LRRC69: variants seen among roughly 807,000 people sequenced by gnomAD.
LRRC69 encodes the protein leucine rich repeat containing 69.
Under a neutral mutation model 37.8 loss-of-function variants are expected in LRRC69, and 42 were observed. The observed-to-expected ratio is 1.11, with a 90% CI of 0.87 to 1.44. The LOEUF (loss-of-function observed/expected upper bound fraction) is 1.44, where lower values mean the gene tolerates loss of function less well. Ranked by LOEUF, LRRC69 falls within the 40% of genes most tolerant of loss-of-function variation. The pLI is 0.00. For missense variants in LRRC69, 357 were observed against 401.9 expected, an observed-to-expected ratio of 0.89 and a Z score of 0.96; for synonymous variants, 141 against 143.1, an observed-to-expected ratio of 0.99 and a Z score of 0.11.
At chr8:91,134,108 C>G (rs1305409588) in intron 4 of LRRC69, among the ~76,000 whole-genome samples, 1 of 151,076 alleles carries the variant, frequency 6.6e-6, no homozygotes, top group Non-Finnish European at 1.5e-5. Context: ...CAGTGAACTT[C>G]TTTGTCCTCT....
chr8:91,108,895 CAG>C (rs1192087520), intron 1 of LRRC69, among the ~76,000 whole-genome samples: 1 of 151,838 alleles, frequency 6.6e-6, no homozygotes, highest in African/African-American at 2.4e-5. Flanking sequence ...TGACCATGAG[CAG>C]AGACTTCCCG....
At chr8:91,147,864 T>C (rs1029744772) in intron 5 of LRRC69, among the ~76,000 whole-genome samples, 1 of 151,636 alleles carries the variant, frequency 6.6e-6, no homozygotes, top group African/African-American at 2.4e-5. Flanking sequence ...TCTCCCCACC[T>C]GGCCCCCCCA....
intron 5 of LRRC69, among the ~76,000 whole-genome samples, chr8:91,145,994 GA>G (rs1036845889): frequency 1.3e-5 from 2 of 151,750 alleles, no homozygotes; most frequent in Non-Finnish European, 2.9e-5. Flanking sequence ...TTAAGTTAGG[GA>G]ATACAACTAT....
intron 6 of LRRC69, among the ~76,000 whole-genome samples, chr8:91,191,596 C>A (rs1370347478): frequency 6.6e-6 from 1 of 152,100 alleles, no homozygotes; most frequent in Non-Finnish European, 1.5e-5. Flanking sequence ...AGTTGGGTTC[C>A]AGACTCCCAG....
intron 1 of LRRC69, among the ~76,000 whole-genome samples, chr8:91,105,685 C>T (rs953910293): frequency 1.4e-5 from 2 of 144,990 alleles, no homozygotes; most frequent in Non-Finnish European, 1.5e-5. Context: ...AAAGGAAAGG[C>T]AGATGAAGGT....
At chr8:91,140,461 T>A (rs1240707727) in intron 5 of LRRC69, among the ~76,000 whole-genome samples, 1 of 151,722 alleles carries the variant, frequency 6.6e-6, no homozygotes, top group Non-Finnish European at 1.5e-5. Context: ...ATGTAAGGTG[T>A]CTTTAAGTTT....
At chr8:91,125,113 C>T (rs1410587454) in intron 2 of LRRC69, among the ~76,000 whole-genome samples, 4 of 151,660 alleles carry the variant, frequency 2.6e-5, no homozygotes, top group Non-Finnish European at 4.4e-5. Context: ...CTAATAATTT[C>T]TCCATTCAAG....
chr8:91,185,758 TC>T (rs1261031612), intron 5 of LRRC69, among the ~76,000 whole-genome samples: 2 of 151,890 alleles, frequency 1.3e-5, no homozygotes, highest in Non-Finnish European at 2.9e-5. Flanking sequence ...TTGAATCTTT[TC>T]CCCCCTCCTT....
intron 6 of LRRC69, among the ~76,000 whole-genome samples, chr8:91,198,366 A>G (rs1411486178): frequency 6.6e-6 from 1 of 152,226 alleles, no homozygotes; most frequent in African/African-American, 2.4e-5. Context: ...AATAAGTCAT[A>G]GAGCCAGAAT....
chr8:91,160,802 T>C (rs1269686570), intron 5 of LRRC69, among the ~76,000 whole-genome samples: 1 of 151,262 alleles, frequency 6.6e-6, no homozygotes, highest in Non-Finnish European at 1.5e-5. Flanking sequence ...GTAATACAAG[T>C]ATTATACTAT....
chr8:91,137,715 C>T (rs543737957), intron 5 of LRRC69, among the ~76,000 whole-genome samples: 1 of 152,032 alleles, frequency 6.6e-6, no homozygotes, highest in South Asian at 2.1e-4. Context: ...ATAAGATGAT[C>T]TGCAAACTCA....
chr8:91,164,502 A>G (rs771661262), intron 5 of LRRC69, among the ~76,000 whole-genome samples: 1 of 151,636 alleles, frequency 6.6e-6, no homozygotes, highest in Non-Finnish European at 1.5e-5. Flanking sequence ...TATACTCAGA[A>G]TGGTTAGCTA....
chr8:91,189,210 T>C (rs1022486963), intron 5 of LRRC69, among the ~76,000 whole-genome samples: 3 of 152,316 alleles, frequency 2.0e-5, no homozygotes, highest in African/African-American at 7.2e-5. Flanking sequence ...AATTTATTAA[T>C]GCTTATTCTA....
upstream of LRRC69, chr8:91,102,645 A>AC: frequency 6.5e-7 from 1 of 1,539,740 alleles, no homozygotes; most frequent in Non-Finnish European, 8.8e-7. Context: ...CTTGTTTTCT[A>AC]CTTCTTTTCC....
chr8:91,125,638 C>T (rs1206483633), intron 2 of LRRC69, among the ~76,000 whole-genome samples: 1 of 151,390 alleles, frequency 6.6e-6, no homozygotes, highest in Non-Finnish European at 1.5e-5. Context: ...ATTTTATGAC[C>T]TATACTGAGG....
intron 5 of LRRC69, chr8:91,158,461 A>C: frequency 7.8e-7 from 1 of 1,274,698 alleles, no homozygotes; most frequent in Non-Finnish European, 1.1e-6. Context: ...CTGTTAATGG[A>C]AGAATGTTTG....
intron 6 of LRRC69, among the ~76,000 whole-genome samples, chr8:91,197,207 C>T (rs560558105): frequency 2.2e-4 from 33 of 152,322 alleles, no homozygotes; most frequent in African/African-American, 6.5e-4. Context: ...ATTCTCAGAT[C>T]TCCAGCCGCG....
chr8:91,139,494 C>G (rs1477929368), intron 5 of LRRC69, among the ~76,000 whole-genome samples: 1 of 143,494 alleles, frequency 7.0e-6, no homozygotes, highest in African/African-American at 2.6e-5. Flanking sequence ...AGGCTGGTTG[C>G]GAACTCCTGA....
chr8:91,177,682 A>C (rs2130593467), intron 5 of LRRC69, among the ~76,000 whole-genome samples: 1 of 152,286 alleles, frequency 6.6e-6, no homozygotes, highest in Non-Finnish European at 1.5e-5. Flanking sequence ...GAAAGTGAAC[A>C]AGGGGAAATG....
Sources: gnomAD v4.1 joint callset for allele counts (sites outside exome capture counted in the v4.1 genomes callset) on GRCh38, gnomAD v4.1.1 for gene constraint, MANE v1.5 for transcripts, NCBI Gene and HGNC (gene_info 2026-07-23, HGNC 2026-07-21) for gene names.